SGCZ: variants seen among roughly 807,000 people sequenced by gnomAD.
SGCZ encodes the protein sarcoglycan zeta.
A neutral mutation model predicts 41.3 loss-of-function variants in SGCZ; 40 were observed. The observed-to-expected ratio is 0.97, with a 90% confidence interval of 0.75 to 1.26. SGCZ has a LOEUF of 1.26. Among genes scored for constraint, SGCZ ranks in the 50% most tolerant of loss-of-function variants. SGCZ has a pLI of 0.00. For synonymous variants in SGCZ, 206 were observed against 137.5 expected (o/e 1.50, Z -3.49); for missense variants, 552 against 369.8 (o/e 1.49, Z -4.04).
intron 7 of SGCZ, among the ~76,000 whole-genome samples, chr8:14,099,350 C>G (rs1362500748): frequency 6.6e-6 from 1 of 152,206 alleles, no homozygotes; most frequent in East Asian, 1.9e-4. Context: ...GCTCTTAAGT[C>G]ACAGTCCAGT....
At chr8:14,488,444 G>A (rs959378502) in intron 2 of SGCZ, among the ~76,000 whole-genome samples, 20 of 151,986 alleles carry the variant, frequency 1.3e-4, no homozygotes, top group African/African-American at 4.6e-4. Flanking sequence ...CTGATGCTAG[G>A]CCCTTCGCTT....
chr8:14,331,997 A>C (rs1287319141), intron 2 of SGCZ, among the ~76,000 whole-genome samples: 3 of 151,890 alleles, frequency 2.0e-5, no homozygotes, highest in Non-Finnish European at 2.9e-5. Flanking sequence ...TTTATGAATA[A>C]ATATAAATAC....
chr8:14,868,123 T>C (rs991866633), intron 1 of SGCZ, among the ~76,000 whole-genome samples: 2 of 152,152 alleles, frequency 1.3e-5, no homozygotes, highest in Admixed American at 1.3e-4. Context: ...GCTGTTCTCA[T>C]GACCTGGAAA....
chr8:15,062,210 A>G (rs937424023), intron 1 of SGCZ, among the ~76,000 whole-genome samples: 3 of 152,172 alleles, frequency 2.0e-5, no homozygotes, highest in Non-Finnish European at 4.4e-5. Flanking sequence ...ATTATAGTTA[A>G]TGAAAAGGTT....
chr8:14,785,890 G>A (rs1800751810), intron 1 of SGCZ, among the ~76,000 whole-genome samples: 1 of 150,794 alleles, frequency 6.6e-6, no homozygotes, highest in Non-Finnish European at 1.5e-5. Flanking sequence ...TTCTATCCCT[G>A]CTGTGCCACT....
chr8:14,369,777 TCTTA>T (rs1410158661), intron 2 of SGCZ, among the ~76,000 whole-genome samples: 5 of 151,980 alleles, frequency 3.3e-5, no homozygotes, highest in African/African-American at 1.2e-4. Context: ...TTTTTTCCTC[TCTTA>T]CTGCTTAAAT....
intron 2 of SGCZ, among the ~76,000 whole-genome samples, chr8:14,497,329 C>A (rs562030058): frequency 1.3e-5 from 2 of 152,082 alleles, no homozygotes; most frequent in East Asian, 1.9e-4. Context: ...AGAGAGGGAG[C>A]AAGAGAAAGA....
chr8:14,822,118 C>CAT (rs1277479873), intron 1 of SGCZ, among the ~76,000 whole-genome samples: 1 of 145,218 alleles, frequency 6.9e-6, no homozygotes, highest in Non-Finnish European at 1.5e-5. Flanking sequence ...ACGGTTAGAA[C>CAT]TAATAAATAA....
intron 1 of SGCZ, among the ~76,000 whole-genome samples, chr8:15,122,933 G>C (rs1414110285): frequency 6.6e-6 from 1 of 152,026 alleles, no homozygotes; most frequent in Non-Finnish European, 1.5e-5. Context: ...TTATTATTTG[G>C]AAACACTGAG....
At chr8:14,774,313 G>C (rs1488630091) in intron 1 of SGCZ, among the ~76,000 whole-genome samples, 1 of 152,098 alleles carries the variant, frequency 6.6e-6, no homozygotes, top group Non-Finnish European at 1.5e-5. Flanking sequence ...CTCTATAATT[G>C]CATCAGCCAA....
In SGCZ at chr8:14,279,353, G is replaced by A. The variant is rs557422270; in HGVS notation, c.337-41674C>T. On this transcript the variant is annotated intron_variant, in intron 3 of 7. Transcript: ENST00000382080. ...ATGCAACTACAGATAGCAATAGCCAGCTATTTAAAAGCTAAAATATACTGC... is the reference window on the plus strand; with the variant it reads ...ATGCAACTACAGATAGCAATAGCCAACTATTTAAAAGCTAAAATATACTGC... Among the ~76,000 whole-genome samples the A allele has an allele frequency of 1.4e-4, 21 of 152,106 alleles. No individual in the cohort carries two copies. The South Asian group carries it at 4.3e-3, about 32-fold the overall frequency.
chr8:14,224,109 T>C (rs12334437), intron 4 of SGCZ, among the ~76,000 whole-genome samples: 17,759 of 152,220 alleles, frequency 0.12, 1,441 homozygotes, highest in African/African-American at 0.22. Flanking sequence ...TAGCTCAAAC[T>C]TAAAGGAACT....
chr8:15,158,976 A>G (rs1036000721), intron 1 of SGCZ, among the ~76,000 whole-genome samples: 8 of 152,176 alleles, frequency 5.3e-5, no homozygotes, highest in Non-Finnish European at 7.4e-5. Context: ...TAAAATCTCC[A>G]AAGTGATGGT....
intron 1 of SGCZ, among the ~76,000 whole-genome samples, chr8:15,151,234 G>A (rs896920706): frequency 2.6e-5 from 4 of 152,186 alleles, no homozygotes; most frequent in African/African-American, 7.2e-5. Flanking sequence ...GGCTTCAGAT[G>A]AAGCTGCCCC....
At chr8:15,182,594 G>T (rs1585648597) in intron 1 of SGCZ, among the ~76,000 whole-genome samples, 1 of 152,110 alleles carries the variant, frequency 6.6e-6, no homozygotes, top group Non-Finnish European at 1.5e-5. Context: ...TGGCACACCT[G>T]TATAGGACCC....
At chr8:14,698,637 T>A (rs1809039808) in intron 1 of SGCZ, among the ~76,000 whole-genome samples, 1 of 151,726 alleles carries the variant, frequency 6.6e-6, no homozygotes, top group African/African-American at 2.4e-5. Context: ...TGTGGGGGGG[T>A]ATAATCATGA....
At chr8:14,888,869 C>T (rs576043568) in intron 1 of SGCZ, among the ~76,000 whole-genome samples, 10 of 152,138 alleles carry the variant, frequency 6.6e-5, no homozygotes, top group African/African-American at 2.2e-4. Context: ...ATAAATATGG[C>T]TTAAAATATT....
chr8:14,382,703 C>T (rs1804414125), intron 2 of SGCZ, among the ~76,000 whole-genome samples: 1 of 152,126 alleles, frequency 6.6e-6, no homozygotes, highest in Non-Finnish European at 1.5e-5. Context: ...ACAAATATGC[C>T]ACACTAGTGT....
At chr8:14,553,554 T>C (rs1803937878) in intron 2 of SGCZ, among the ~76,000 whole-genome samples, 1 of 152,080 alleles carries the variant, frequency 6.6e-6, no homozygotes, top group South Asian at 2.1e-4. Context: ...CATGAGCACA[T>C]GCTGTTTTAT....
Sources: gnomAD v4.1 joint callset for allele counts (sites outside exome capture counted in the v4.1 genomes callset) on GRCh38, gnomAD v4.1.1 for gene constraint, MANE v1.5 for transcripts, NCBI Gene and HGNC (gene_info 2026-07-23, HGNC 2026-07-21) for gene names.